The following TICRR variants were observed in gnomAD, a reference collection of about 807,000 sequenced individuals.
TICRR encodes the protein treslin.
A neutral mutation model predicts 178.1 loss-of-function variants in TICRR; 132 were observed. The observed-to-expected ratio is 0.74, with a 90% CI of 0.64 to 0.86. The LOEUF is 0.86. Ranked by LOEUF, TICRR falls within the 40% of genes least tolerant of loss-of-function variation. TICRR has a pLI of 0.00. For synonymous variants in TICRR, 991 were observed against 900.7 expected, an observed-to-expected ratio of 1.10 and a Z score of -1.79; for missense variants, 2,587 against 2,334.3, an observed-to-expected ratio of 1.11 and a Z score of -2.23.
chr15:89,618,482 A>G (rs1963372356), intron 17 of TICRR, among the ~76,000 whole-genome samples: 1 of 152,258 alleles, frequency 6.6e-6, no homozygotes, highest in South Asian at 2.1e-4. Flanking sequence ...GACTTATTTT[A>G]AAAGTATATA....
Position 89,575,852 on chromosome 15 carries a change from A to C in TICRR, c.266A>C (p.His89Pro), listed in dbSNP as rs901013150. Residue 89 changes from histidine to proline, a missense_variant, in exon 1 of 22, where the codon CAC (histidine) becomes CCC (proline). His to Pro is a moderately conservative substitution (Grantham distance 77). Transcript: ENST00000268138. ...ELEARLEDRA[H>P]LPGPAPRATH... Reference sequence around the variant, plus strand: ...GAGGCCAGGCTCGAGGATCGCGCCCACCTGCCCGGCCCGGCGCCCAGGGCC... The same window carrying C: ...GAGGCCAGGCTCGAGGATCGCGCCCCCCTGCCCGGCCCGGCGCCCAGGGCC... 6.3e-7 allele frequency: 1 copy of C among 1,585,416 alleles called. No homozygotes were observed. The highest frequency in any genetic ancestry group is 1.8e-5 in the Admixed American group (1 of 56,526).
chr15:89,613,016 C>G (rs994330912), intron 15 of TICRR, among the ~76,000 whole-genome samples: 1 of 152,144 alleles, frequency 6.6e-6, no homozygotes, highest in African/African-American at 2.4e-5. Flanking sequence ...ATATAGTTAC[C>G]TTTACCAATG....
Position 89,601,382 on chromosome 15 carries a change from A to G in TICRR, c.2238A>G (p.Val746=). 4 of 1,614,170 alleles carry G rather than the reference A, an allele frequency of 2.5e-6. No homozygotes were observed. The highest frequency in any genetic ancestry group is 3.4e-6 in the Non-Finnish European group (4 of 1,179,990). ...INESTDDMEQ[V]VEEVTDLLRM... ...AAAGTACAGATGATATGGAACAAGT[A>G]GTGGAGGAGGCAAGTATATAGTTTC... Residue 746 remains valine, a synonymous_variant, in exon 10 of 22, where the codon GTA becomes GTG. Transcript: ENST00000268138.
Position 89,602,864 on chromosome 15 carries a change from C to A in TICRR, c.2636C>A (p.Pro879His). The change falls in exon 13 of 22, where the codon CCT (proline) becomes CAT (histidine). Residue 879 changes from proline (P) to histidine (H), a missense_variant. By Grantham distance (77) the Pro-to-His change is moderately conservative (BLOSUM62 -2). Coordinates refer to ENST00000268138, the MANE Select transcript of TICRR (RefSeq NM_152259.4). The stretch of plus-strand genomic sequence containing the variant: ...CAGAATCTTCGACAAATTGAAATTC[C>A]TAAAGTGTCAAAGAGAGCTACGAAA... ...VSQNLRQIEIPKVSKRATKKE... is the reference protein window; with the variant it reads ...VSQNLRQIEIHKVSKRATKKE... 1.3e-6 allele frequency: 2 copies of A among 1,529,644 alleles called. No homozygotes were observed. The highest frequency in any genetic ancestry group is 1.3e-5 in the South Asian group (1 of 75,472). 94.8% of individuals were successfully genotyped at this position (1,529,644 alleles called of 1,614,324 possible).
At position 89,599,352 on chromosome 15, in the gene TICRR, A is replaced by G; in HGVS notation, c.1929A>G (p.Ser643=). 6.2e-7 allele frequency: 1 copy of G among 1,612,214 alleles called. No homozygotes were observed. Among genetic ancestry groups the G allele is most frequent in the South Asian group, 1.1e-5 (1 of 90,760 alleles). Residue 643 remains serine (S), a synonymous_variant, in exon 8 of 22, where the codon TCA becomes TCG. Coordinates refer to ENST00000268138, the MANE Select transcript of TICRR (RefSeq NM_152259.4). ...KDFKTEEELL[S]YIRENYQKTV... ...TTAAAACTGAGGAAGAGCTGCTATC[A>G]TATATACGTGAAAATTACCAAAAGA... is the stretch of plus-strand genomic sequence containing the variant.
intron 15 of TICRR, among the ~76,000 whole-genome samples, chr15:89,609,170 G>A (rs996961785): frequency 8.0e-6 from 1 of 124,548 alleles, no homozygotes; most frequent in Non-Finnish European, 1.6e-5. Context: ...GAGTGCAGTG[G>A]CGCAATCTCA....
At chr15:89,585,267 T>C (rs1242611154) in intron 3 of TICRR, among the ~76,000 whole-genome samples, 1 of 152,206 alleles carries the variant, frequency 6.6e-6, no homozygotes, top group African/African-American at 2.4e-5. Context: ...GCCTACTGTA[T>C]GTTCTGGATA....
At position 89,594,242 on chromosome 15, in the gene TICRR, C is replaced by T. The variant is rs532693722; in HGVS notation, c.1542-173C>T. Among the ~76,000 whole-genome samples, 8 of 152,154 alleles carry T rather than the reference C, an allele frequency of 5.3e-5. No individual in the cohort carries two copies. In the South Asian group the frequency reaches 1.0e-3, roughly 20 times the overall value. On this transcript the variant is annotated intron_variant, in intron 5 of 21. Transcript: ENST00000268138. ...CTTTGGTTCCTGCATTCGTTCAAAT[C>T]GAAAATGAGAGGAGGGACATTTTCT...
Position 89,575,761 on chromosome 15 carries a change from C to T in TICRR, c.175C>T (p.Pro59Ser). Residue 59 changes from proline (P) to serine (S), a missense_variant, in exon 1 of 22, where the codon CCG becomes TCG. Coordinates refer to ENST00000268138, the MANE Select transcript of TICRR (RefSeq NM_152259.4). ...FFDSQGARSR[P>S]SRVSDFRELG... ...TGACTCGCAGGGGGCGCGGAGCCGG[C>T]CGTCCCGCGTGTCTGACTTCCGCGA... 2 of 1,609,146 alleles carry T rather than the reference C, an allele frequency of 1.2e-6. No homozygotes were observed. Among genetic ancestry groups the T allele is most frequent in the African/African-American group, 1.3e-5 (1 of 74,974 alleles).
intron 4 of TICRR, among the ~76,000 whole-genome samples, chr15:89,588,482 G>GTTAA (rs1235717077): frequency 1.3e-5 from 2 of 152,182 alleles, no homozygotes; most frequent in Non-Finnish European, 1.5e-5. Flanking sequence ...GAACGAGGCA[G>GTTAA]GGTAAGGAGG....
At position 89,619,811 on chromosome 15, in the gene TICRR, A is replaced by G. The variant is rs544501665; in HGVS notation, c.3123A>G (p.Gln1041=). The change falls in exon 18 of 22, where the codon CAA becomes CAG. Residue 1041 remains glutamine (Q), a synonymous_variant. Transcript: ENST00000268138. ...SVSQPKSRSV[Q]RVHSFQQDKS... Reference sequence around the variant, plus strand: ...CTCAGCCGAAGTCTCGAAGTGTGCAAAGAGTCCACTCTTTCCAGCAAGATA... The same window carrying G: ...CTCAGCCGAAGTCTCGAAGTGTGCAGAGAGTCCACTCTTTCCAGCAAGATA... The G allele has an allele frequency of 4.3e-6, 7 of 1,613,648 alleles. No homozygotes were observed. The highest frequency in any genetic ancestry group is 3.3e-5 in the South Asian group (3 of 90,954).
chr15:89,591,195 G>T (rs556024594), intron 4 of TICRR, among the ~76,000 whole-genome samples: 10 of 152,084 alleles, frequency 6.6e-5, no homozygotes. Flanking sequence ...GCGTGATCTC[G>T]GCTCACTGCA....
At chr15:89,626,924 CCT>C in intron 21 of TICRR, 30 bp from the exon 22 acceptor site, 2 of 1,607,586 alleles carry the variant, frequency 1.2e-6, no homozygotes, top group Non-Finnish European at 1.7e-6. Flanking sequence ...CTCTGTGACT[CCT>C]GCATGCTAAG....
At position 89,608,809 on chromosome 15, in the gene TICRR, C is replaced by T; in HGVS notation, c.2729C>T (p.Thr910Ile). The T allele has an allele frequency of 6.3e-7, 1 of 1,599,602 alleles. No individual in the cohort carries two copies. Among genetic ancestry groups the T allele is most frequent in the East Asian group, 2.3e-5 (1 of 44,090 alleles). ...TAATTTTTGATGCTTTCAGAAGTGA[C>T]CAAAGTTCGAAGAAATCTTTTCAAC... ...QPVKDTVQEV[T>I]KVRRNLFNQE... is the part of the protein sequence containing the mutation. Residue 910 changes from threonine (T) to isoleucine (I), a missense_variant, in exon 15 of 22, where the codon ACC becomes ATC. By Grantham distance (89) the Thr-to-Ile change is moderately conservative (BLOSUM62 -1). Coordinates refer to ENST00000268138, the MANE Select transcript of TICRR (RefSeq NM_152259.4).
chr15:89,584,522 C>A lies in TICRR; in HGVS notation c.1171C>A (p.His391Asn), dbSNP rs1423992109. Reference sequence around the variant, plus strand: ...AAGCAGGCTGACTGCTGAAGAGTTACACCTGGTAGGTATCCTCCACACGGG... The same window carrying A: ...AAGCAGGCTGACTGCTGAAGAGTTAAACCTGGTAGGTATCCTCCACACGGG... ...LVSRLTAEEL[H>N]LVADVDPGEG... The change falls in exon 3 of 22, where the codon CAC becomes AAC. Residue 391 changes from histidine (H) to asparagine (N), a missense_variant. Physicochemically the swap from His to Asn is moderately conservative, Grantham distance 68. Transcript: ENST00000268138. 1.9e-6 allele frequency: 3 copies of A among 1,566,804 alleles called. No homozygotes were observed. The highest frequency in any genetic ancestry group is 4.5e-5 in the East Asian group (2 of 44,216).
chr15:89,576,821 GTATATATATA>G (rs369518649), intron 1 of TICRR, among the ~76,000 whole-genome samples: 1,540 of 92,438 alleles, frequency 0.017, 46 homozygotes, highest in African/African-American at 0.052. Flanking sequence ...ATGTGTGTGT[GTATATATATA>G]TATATATATA....
At chr15:89,621,217 C>T (rs889099939) in intron 18 of TICRR, among the ~76,000 whole-genome samples, 176 bp from the exon 19 acceptor site, 7 of 151,304 alleles carry the variant, frequency 4.6e-5, no homozygotes, top group East Asian at 2.0e-4. Flanking sequence ...GATGGTGTTT[C>T]GCTATGTTGG....
At chr15:89,601,692 G>C in intron 11 of TICRR, 45 bp from the exon 12 acceptor site, 1 of 1,613,018 alleles carries the variant, frequency 6.2e-7, no homozygotes, top group Non-Finnish European at 8.5e-7. Flanking sequence ...GGAATAGAGA[G>C]GGTAAGATGG....
At chr15:89,626,092 C>T (rs774918164) in intron 21 of TICRR, 31 bp downstream of exon 21, 1 of 1,605,922 alleles carries the variant, frequency 6.2e-7, no homozygotes, top group Non-Finnish European at 8.5e-7. Flanking sequence ...AGGACCCTTT[C>T]CTGTGACAGA....
Sources: gnomAD v4.1 joint callset for allele counts (sites outside exome capture counted in the v4.1 genomes callset) on GRCh38, gnomAD v4.1.1 for gene constraint, MANE v1.5 for transcripts, NCBI Gene and HGNC (gene_info 2026-07-23, HGNC 2026-07-21) for gene names.